MCC: variants seen among roughly 807,000 people sequenced by gnomAD.
The protein encoded by MCC is MCC regulator of Wnt signaling pathway.
Under a neutral mutation model 116.2 loss-of-function variants are expected in MCC, and 90 were observed. The observed-to-expected ratio is 0.77, with a 90% confidence interval of 0.65 to 0.92. MCC has a LOEUF of 0.92. MCC is among the 40% of genes least tolerant of loss of function. The probability of loss-of-function intolerance (pLI) is 0.00; values close to 1 mark genes in which losing one functional copy is unlikely to be tolerated. For missense variants in MCC, 1,516 were observed against 1,312.2 expected (o/e 1.16, Z -2.40); for synonymous variants, 578 against 510.5 (o/e 1.13, Z -1.78).
At chr5:113,291,460 C>G (rs1766492921) in intron 3 of MCC, among the ~76,000 whole-genome samples, 1 of 152,162 alleles carries the variant, frequency 6.6e-6, no homozygotes, top group Non-Finnish European at 1.5e-5. Context: ...GGCTAGGGGA[C>G]CCTTACAGAA....
intron 11 of MCC, among the ~76,000 whole-genome samples, chr5:113,077,332 C>T (rs1754528023): frequency 6.6e-6 from 1 of 152,186 alleles, no homozygotes; most frequent in Non-Finnish European, 1.5e-5. Flanking sequence ...GAACTCTCCA[C>T]CCCAAATCAA....
At chr5:113,153,847 C>T (rs1234917760) in intron 3 of MCC, among the ~76,000 whole-genome samples, 2 of 152,216 alleles carry the variant, frequency 1.3e-5, no homozygotes, top group Admixed American at 6.5e-5. Context: ...GTCCCCGACT[C>T]CATAACTGCA....
At chr5:113,167,255 A>G (rs537824484) in intron 3 of MCC, among the ~76,000 whole-genome samples, 1 of 152,216 alleles carries the variant, frequency 6.6e-6, no homozygotes, top group South Asian at 2.1e-4. Context: ...GGAACCTCAA[A>G]GCTAGCTTTT....
intron 3 of MCC, among the ~76,000 whole-genome samples, chr5:113,187,299 G>A (rs957210845): frequency 6.6e-6 from 1 of 152,064 alleles, no homozygotes; most frequent in African/African-American, 2.4e-5. Context: ...CGTAGAGATC[G>A]GGTTTTGCCA....
intron 1 of MCC, among the ~76,000 whole-genome samples, chr5:113,468,312 G>C (rs1391925517): frequency 1.3e-5 from 2 of 152,160 alleles, no homozygotes; most frequent in Non-Finnish European, 2.9e-5. Context: ...AATATTGGCT[G>C]TGGGTTTGTC....
rs573790534 is a variant in MCC at position 113,488,428 on chromosome 5, A to G, written c.-14T>C. ...GGCCGCCATCATGCGCCCGCTCCCT[A>G]CTTGGGAGGAGGAGTACGCGCGACC... is the stretch of plus-strand genomic sequence containing the variant. On this transcript the variant is annotated 5_prime_UTR_variant, in exon 1 of 19. Transcript: ENST00000408903. The G allele has an allele frequency of 4.4e-5, 62 of 1,401,232 alleles. No individual in the cohort carries two copies. Among genetic ancestry groups the G allele is most frequent in the African/African-American group, 2.3e-4 (15 of 66,380 alleles). 86.8% of individuals were successfully genotyped at this position (1,401,232 alleles called of 1,614,324 possible). A position where few individuals can be genotyped will look rare whatever the true frequency, so the allele number is the denominator to read the frequency against.
At chr5:113,044,186 C>G (rs1417697986) in intron 16 of MCC, among the ~76,000 whole-genome samples, 1 of 152,204 alleles carries the variant, frequency 6.6e-6, no homozygotes, top group Non-Finnish European at 1.5e-5. Flanking sequence ...GAAAAGCAAA[C>G]TCCTTTAGAT....
intron 1 of MCC, among the ~76,000 whole-genome samples, chr5:113,451,372 A>C (rs1771387694): frequency 6.6e-6 from 1 of 152,218 alleles, no homozygotes; most frequent in South Asian, 2.1e-4. Flanking sequence ...ATTTGTTTTT[A>C]TTATTGTACT....
chr5:113,067,713 A>G (rs1343437432), intron 13 of MCC, among the ~76,000 whole-genome samples: 1 of 152,278 alleles, frequency 6.6e-6, no homozygotes, highest in Non-Finnish European at 1.5e-5. Context: ...AACGAGATGA[A>G]GTGAAGGCCA....
intron 1 of MCC, among the ~76,000 whole-genome samples, chr5:113,452,329 C>T (rs1474635597): frequency 6.6e-6 from 1 of 152,066 alleles, no homozygotes; most frequent in Non-Finnish European, 1.5e-5. Flanking sequence ...GTGTTTGTGT[C>T]CCCCCCAAAT....
intron 6 of MCC, among the ~76,000 whole-genome samples, chr5:113,118,296 T>C (rs1036805957): frequency 6.6e-6 from 1 of 152,240 alleles, no homozygotes. Flanking sequence ...TACCTTGGCT[T>C]TGTCCACTTA....
In MCC at chr5:113,087,108, C is replaced by T. The variant is rs190692695; in HGVS notation, c.1399-1798G>A. Reference sequence around the variant, plus strand: ...AAAGTCTTCTAGACAGGGCAGAGAACAGGCAGGCACATGGCCCCTTCTCTA... The same window carrying T: ...AAAGTCTTCTAGACAGGGCAGAGAATAGGCAGGCACATGGCCCCTTCTCTA... On this transcript the variant is annotated intron_variant, in intron 8 of 18. Coordinates refer to ENST00000408903, the MANE Select transcript of MCC (RefSeq NM_001085377.2). Among the ~76,000 whole-genome samples, 15 of 152,364 alleles carry T rather than the reference C, an allele frequency of 9.8e-5. No individual in the cohort carries two copies. In the East Asian group the frequency reaches 2.3e-3, roughly 23 times the overall value.
At position 113,376,368 on chromosome 5, in the gene MCC, C is replaced by G. The variant is rs370401418; in HGVS notation, c.415+8600G>C. On this transcript the variant is annotated intron_variant, in intron 2 of 18. Coordinates refer to ENST00000408903, the MANE Select transcript of MCC (RefSeq NM_001085377.2). ...CTGTGTCAGTCTCTGTACTATTTGC[C>G]CAACATGCATAATTGAGTAGAGAAG... Among the ~76,000 whole-genome samples the G allele has an allele frequency of 2.0e-4, 30 of 152,114 alleles. No individual in the cohort carries two copies. The East Asian group carries it at 5.4e-3, about 27-fold the overall frequency.
chr5:113,201,983 C>T (rs1451235166), intron 3 of MCC, among the ~76,000 whole-genome samples: 2 of 152,200 alleles, frequency 1.3e-5, no homozygotes, highest in East Asian at 1.9e-4. Context: ...CCATTTTCAT[C>T]GCTCCTCTTT....
At chr5:113,475,700 A>C (rs1158840506) in intron 1 of MCC, among the ~76,000 whole-genome samples, 1 of 152,198 alleles carries the variant, frequency 6.6e-6, no homozygotes, top group Admixed American at 6.5e-5. Context: ...TTCATTTAGA[A>C]TGCAAATCTC....
At chr5:113,146,006 T>G (rs937688108) in intron 4 of MCC, among the ~76,000 whole-genome samples, 1 of 152,216 alleles carries the variant, frequency 6.6e-6, no homozygotes, top group Non-Finnish European at 1.5e-5. Context: ...AATGTATATT[T>G]GAAGCTCAAG....
At chr5:113,313,775 C>G (rs1241493196) in intron 3 of MCC, among the ~76,000 whole-genome samples, 2 of 151,396 alleles carry the variant, frequency 1.3e-5, no homozygotes, top group Non-Finnish European at 3.0e-5. Flanking sequence ...TAATAATCTG[C>G]CATTTTCTTT....
At chr5:113,314,997 T>G (rs1767244088) in intron 3 of MCC, among the ~76,000 whole-genome samples, 1 of 152,344 alleles carries the variant, frequency 6.6e-6, no homozygotes, top group South Asian at 2.1e-4. Flanking sequence ...TGGCCTTTGA[T>G]TCTCATATTC....
intron 7 of MCC, among the ~76,000 whole-genome samples, chr5:113,103,372 C>T (rs954003787): frequency 3.9e-5 from 6 of 152,174 alleles, no homozygotes; most frequent in African/African-American, 1.4e-4. Context: ...CTCTCAACTC[C>T]GAGGTTGGGG....
Sources: gnomAD v4.1 joint callset for allele counts (sites outside exome capture counted in the v4.1 genomes callset) on GRCh38, gnomAD v4.1.1 for gene constraint, MANE v1.5 for transcripts, NCBI Gene and HGNC (gene_info 2026-07-23, HGNC 2026-07-21) for gene names.